ANKDD1B: variants seen among roughly 807,000 people sequenced by gnomAD.
The protein encoded by ANKDD1B is ankyrin repeat and death domain containing 1B, also known as ankyrin repeat and death domain-containing protein 1B.
ANKDD1B carries 57 observed loss-of-function variants against 59.7 expected under a neutral mutation model. That is an observed-to-expected ratio of 0.95 (90% CI 0.77 to 1.19). The LOEUF (loss-of-function observed/expected upper bound fraction) is 1.19, where lower values mean the gene tolerates loss of function less well. Ranked by LOEUF, ANKDD1B falls within the 50% of genes most tolerant of loss-of-function variation. The pLI, the probability that ANKDD1B is intolerant of heterozygous loss-of-function variation, is 0.00. For synonymous variants in ANKDD1B, 216 were observed against 239.5 expected (o/e 0.90, Z 0.91); for missense variants, 602 against 641.9 (o/e 0.94, Z 0.67).
In ANKDD1B at chr5:75,666,869, A is replaced by T. The variant is rs571646791; in HGVS notation, c.1269A>T (p.Arg423Ser). Residue 423 changes from arginine to serine, a missense_variant, in exon 12 of 14, where the codon AGA becomes AGT. Transcript: ENST00000601380. ...TFKQDHSLET[R>S]HIRTLLWDLA... is the part of the protein sequence containing the mutation. ...AGCAAGATCACAGTCTGGAGACCAG[A>T]CACATTCGCACGCTTCTCTGGGACC... 3 of 1,535,610 alleles carry T rather than the reference A, an allele frequency of 2.0e-6. No individual in the cohort carries two copies. In the African/African-American group the frequency reaches 4.1e-5, roughly 21 times the overall value.
At chr5:75,632,329 C>T (rs1187190666) in intron 5 of ANKDD1B, among the ~76,000 whole-genome samples, 4 of 152,162 alleles carry the variant, frequency 2.6e-5, no homozygotes, top group African/African-American at 4.8e-5. Flanking sequence ...CAAATGATGT[C>T]AGCAGGGCTC....
chr5:75,622,682 G>A (rs1432147961), intron 3 of ANKDD1B, among the ~76,000 whole-genome samples: 3 of 152,226 alleles, frequency 2.0e-5, no homozygotes, highest in African/African-American at 4.8e-5. Context: ...CACCTATGAC[G>A]AGACTGGCAA....
chr5:75,616,892 T>G lies in ANKDD1B; in HGVS notation c.282T>G (p.Ile94Met). The G allele has an allele frequency of 6.6e-7, 1 of 1,511,060 alleles. No homozygotes were observed. Among genetic ancestry groups the G allele is most frequent in the Non-Finnish European group, 8.9e-7 (1 of 1,124,594 alleles). The allele number at this position is 1,511,060 out of a possible 1,614,324, so 93.6% of individuals were successfully genotyped here. ...MEKLFEKKVN[I>M]NVVNNMNRTA... is the part of the protein sequence containing the mutation. ...AGCTGTTTGAAAAGAAGGTTAACAT[T>G]AATGTTGTGAACAATGTGAGTAGAA... Residue 94 changes from isoleucine to methionine, a missense_variant, in exon 2 of 14, where the codon ATT (isoleucine) becomes ATG (methionine). Ile to Met is a conservative substitution (Grantham distance 10, BLOSUM62 1). Transcript: ENST00000601380.
chr5:75,625,570 G>T, intron 3 of ANKDD1B, 77 bp from the exon 4 acceptor site: 1 of 1,007,436 alleles, frequency 9.9e-7, no homozygotes, highest in Non-Finnish European at 1.5e-6. Flanking sequence ...GTATTAATTT[G>T]GCCTTTGTTG....
chr5:75,644,424 C>CA (rs1774584972), intron 7 of ANKDD1B, among the ~76,000 whole-genome samples: 1 of 78,412 alleles, frequency 1.3e-5, no homozygotes, highest in Non-Finnish European at 2.1e-5. Context: ...CAATGGAAAA[C>CA]AAAAAAAGGC....
intron 9 of ANKDD1B, among the ~76,000 whole-genome samples, chr5:75,657,056 T>C (rs1774997408): frequency 6.6e-6 from 1 of 152,246 alleles, no homozygotes; most frequent in Non-Finnish European, 1.5e-5. Flanking sequence ...CCCAAAAGTT[T>C]TTCTGGGGAA....
At chr5:75,637,196 G>GATC (rs1774334266) in intron 7 of ANKDD1B, among the ~76,000 whole-genome samples, 1 of 126,698 alleles carries the variant, frequency 7.9e-6, no homozygotes, top group South Asian at 2.7e-4. Context: ...AGTGAGCCCA[G>GATC]ATCGTACCAC....
At chr5:75,613,987 G>T (rs1360316207) in intron 1 of ANKDD1B, among the ~76,000 whole-genome samples, 1 of 152,188 alleles carries the variant, frequency 6.6e-6, no homozygotes, top group Non-Finnish European at 1.5e-5. Flanking sequence ...TATATTTCTT[G>T]TTCGTGTAGC....
intron 5 of ANKDD1B, among the ~76,000 whole-genome samples, chr5:75,630,977 G>A (rs1458243374): frequency 3.3e-5 from 5 of 152,158 alleles, no homozygotes; most frequent in Non-Finnish European, 7.4e-5. Flanking sequence ...AACAACTCTG[G>A]CCCTACCTGA....
chr5:75,621,269 T>C (rs1773840352), intron 3 of ANKDD1B, among the ~76,000 whole-genome samples: 1 of 152,174 alleles, frequency 6.6e-6, no homozygotes, highest in Non-Finnish European at 1.5e-5. Flanking sequence ...ATGAGAGAGC[T>C]TCTCTTGGAA....
rs1196401061 is a variant in ANKDD1B, at chr5:75,616,917, A to G, written c.297+10A>G. On this transcript the variant is annotated intron_variant, in intron 2 of 13. Transcript: ENST00000601380. Reference sequence around the variant, plus strand: ...TAATGTTGTGAACAATGTGAGTAGAAGTCATAAATATGACAAGTGACTTCT... The same window carrying G: ...TAATGTTGTGAACAATGTGAGTAGAGGTCATAAATATGACAAGTGACTTCT... The G allele has an allele frequency of 3.7e-6, 5 of 1,335,098 alleles. No individual in the cohort carries two copies. The Admixed American group carries it at 1.0e-4, about 28-fold the overall frequency. The allele number at this position is 1,335,098 out of a possible 1,614,324, so 82.7% of individuals were successfully genotyped here.
chr5:75,629,294 T>C (rs749283154), intron 5 of ANKDD1B, among the ~76,000 whole-genome samples: 38 of 152,018 alleles, frequency 2.5e-4, no homozygotes, highest in Non-Finnish European at 4.3e-4. Context: ...ATGACACATA[T>C]TTTTTTACCT....
At chr5:75,628,597 C>G (rs980379276) in intron 5 of ANKDD1B, among the ~76,000 whole-genome samples, 1 of 152,184 alleles carries the variant, frequency 6.6e-6, no homozygotes, top group Non-Finnish European at 1.5e-5. Context: ...TGATTGAGAG[C>G]TTGTGTACCT....
chr5:75,619,219 C>T (rs1458110647), intron 2 of ANKDD1B, among the ~76,000 whole-genome samples: 1 of 152,230 alleles, frequency 6.6e-6, no homozygotes, highest in African/African-American at 2.4e-5. Context: ...CCACAAAAGA[C>T]TGCAAAACCC....
intron 1 of ANKDD1B, 85 bp from the exon 2 acceptor site, chr5:75,616,716 CTGT>C (rs558395486): frequency 6.0e-5 from 32 of 537,782 alleles, no homozygotes; most frequent in Non-Finnish European, 1.0e-4. Context: ...AGACTCAAAG[CTGT>C]TGTTACAAGG....
chr5:75,666,649 T>C, intron 11 of ANKDD1B, 143 bp from the exon 12 acceptor site: 1 of 591,912 alleles, frequency 1.7e-6, no homozygotes. Context: ...AAAAAATATA[T>C]ATATGATCCA....
intron 7 of ANKDD1B, among the ~76,000 whole-genome samples, chr5:75,650,291 A>G (rs1774794894): frequency 6.6e-6 from 1 of 152,214 alleles, no homozygotes. Flanking sequence ...TTAAAGAGGA[A>G]GAGGGAGGCA....
At chr5:75,658,093 A>G (rs924877904) in intron 9 of ANKDD1B, among the ~76,000 whole-genome samples, 1 of 152,008 alleles carries the variant, frequency 6.6e-6, no homozygotes, top group African/African-American at 2.4e-5. Flanking sequence ...GCTACTCAGG[A>G]AACTGAGAAG....
At chr5:75,658,983 G>C (rs1460606148) in intron 9 of ANKDD1B, among the ~76,000 whole-genome samples, 2 of 151,934 alleles carry the variant, frequency 1.3e-5, no homozygotes, top group Non-Finnish European at 2.9e-5. Context: ...TCTACTTTCT[G>C]TCTCTATATA....
Sources: gnomAD v4.1 joint callset for allele counts (sites outside exome capture counted in the v4.1 genomes callset) on GRCh38, gnomAD v4.1.1 for gene constraint, MANE v1.5 for transcripts, NCBI Gene and HGNC (gene_info 2026-07-23, HGNC 2026-07-21) for gene names.